ABRAXAS2: variants seen among roughly 807,000 people sequenced by gnomAD.
The protein encoded by ABRAXAS2 is abraxas 2, BRISC complex subunit, also known as BRISC complex subunit Abraxas 2.
Under a neutral mutation model 49.0 loss-of-function variants are expected in ABRAXAS2, and 23 were observed. That is an observed-to-expected ratio of 0.47 (90% confidence interval 0.34 to 0.66). The LOEUF is 0.66. ABRAXAS2 is among the 30% of genes least tolerant of loss of function. ABRAXAS2 has a pLI of 0.01. For synonymous variants in ABRAXAS2, 168 were observed against 180.2 expected (o/e 0.93, Z 0.54); for missense variants, 443 against 511.9 (o/e 0.87, Z 1.30).
At chr10:124,828,037 A>G (rs1950907617) in intron 5 of ABRAXAS2, among the ~76,000 whole-genome samples, 1 of 152,212 alleles carries the variant, frequency 6.6e-6, no homozygotes, top group Non-Finnish European at 1.5e-5. Context: ...GTTTTACTTT[A>G]CAGAAGGGAA....
At chr10:124,809,549 G>A (rs1950771697) in intron 2 of ABRAXAS2, among the ~76,000 whole-genome samples, 1 of 151,908 alleles carries the variant, frequency 6.6e-6, no homozygotes, top group African/African-American at 2.4e-5. Flanking sequence ...GCCTCCCAAA[G>A]TGCTGGGATT....
At chr10:124,831,284 G>T in intron 7 of ABRAXAS2, 65 bp from the exon 8 acceptor site, 1 of 962,270 alleles carries the variant, frequency 1.0e-6, no homozygotes, top group Non-Finnish European at 1.7e-6. Flanking sequence ...TGTAATCAGC[G>T]CTGAATTTAT....
intron 4 of ABRAXAS2, among the ~76,000 whole-genome samples, chr10:124,820,406 C>T (rs1950855079): frequency 6.6e-6 from 1 of 152,140 alleles, no homozygotes; most frequent in African/African-American, 2.4e-5. Flanking sequence ...AGCAGCCCGT[C>T]CCTCATCTCT....
chr10:124,811,110 C>T (rs1261629040), intron 2 of ABRAXAS2, among the ~76,000 whole-genome samples: 9 of 151,606 alleles, frequency 5.9e-5, no homozygotes, highest in Admixed American at 5.9e-4. Flanking sequence ...ATGCGGGAGG[C>T]TGAGGCAGGA....
At chr10:124,806,333 GA>G (rs1950743919) in intron 1 of ABRAXAS2, among the ~76,000 whole-genome samples, 1 of 151,294 alleles carries the variant, frequency 6.6e-6, no homozygotes, top group African/African-American at 2.4e-5. Flanking sequence ...AAAAAGACAA[GA>G]AAAAGGTTCA....
intron 8 of ABRAXAS2, 145 bp downstream of exon 8, chr10:124,831,608 A>T: frequency 2.0e-6 from 1 of 505,704 alleles, no homozygotes; most frequent in Admixed American, 3.9e-5. Context: ...TCTCTTGTTC[A>T]GCTTCTCTGG....
chr10:124,810,762 T>A (rs1178792919), intron 2 of ABRAXAS2, among the ~76,000 whole-genome samples: 2 of 151,486 alleles, frequency 1.3e-5, no homozygotes, highest in Non-Finnish European at 2.9e-5. Flanking sequence ...TTTGTATTTT[T>A]AGTAGAGATG....
At chr10:124,813,570 G>T (rs1438179650) in intron 2 of ABRAXAS2, among the ~76,000 whole-genome samples, 1 of 152,196 alleles carries the variant, frequency 6.6e-6, no homozygotes, top group Non-Finnish European at 1.5e-5. Flanking sequence ...TCCAGGTGAG[G>T]CTGCCCAGCC....
At chr10:124,808,964 C>G (rs867101098) in intron 2 of ABRAXAS2, among the ~76,000 whole-genome samples, 39 of 152,076 alleles carry the variant, frequency 2.6e-4, no homozygotes, top group Middle Eastern at 3.4e-3. Flanking sequence ...AACCCCGTCT[C>G]TACTAAAAAT....
rs1478806305 is a variant in ABRAXAS2 at position 124,826,869 on chromosome 10, T to C, written c.458+84T>C. ...TGGCTTACGCCTGTAATCCCAGCACTTTGGAAGGCTGAGGCGGATGGATCA... is the reference window on the plus strand; with the variant it reads ...TGGCTTACGCCTGTAATCCCAGCACCTTGGAAGGCTGAGGCGGATGGATCA... On this transcript the variant is annotated intron_variant, in intron 5 of 8. Coordinates refer to ENST00000298492, the MANE Select transcript of ABRAXAS2 (RefSeq NM_032182.4). 12 of 1,324,268 alleles carry C rather than the reference T, an allele frequency of 9.1e-6. No homozygotes were observed. The African/African-American group carries it at 1.8e-4, about 19-fold the overall frequency. The allele number at this position is 1,324,268 out of a possible 1,614,324, so 82.0% of individuals were successfully genotyped here. A position where few individuals can be genotyped will look rare whatever the true frequency, so the allele number is the denominator to read the frequency against.
rs543064229 is a variant in ABRAXAS2 at position 124,801,901 on chromosome 10, C to T, written c.72C>T (p.His24=). Residue 24 remains histidine (H), a splice_region_variant and synonymous_variant, in exon 1 of 9, where the codon CAC becomes CAT. Transcript: ENST00000298492. ...ACAGCGCCAACAGCAACGCGGACCA[C>T]GTAGGTGCCGGGCCCCCTGCCGCGC... ...CFHSANSNAD[H]EGFLLGEVRQ... The T allele has an allele frequency of 8.7e-6, 14 of 1,612,186 alleles. No homozygotes were observed. The East Asian group carries it at 1.8e-4, about 21-fold the overall frequency.
chr10:124,807,450 C>T (rs1351184368), intron 2 of ABRAXAS2, among the ~76,000 whole-genome samples: 2 of 150,380 alleles, frequency 1.3e-5, no homozygotes, highest in Admixed American at 6.7e-5. Context: ...GTCAGAAGTT[C>T]GAGACCAGCC....
chr10:124,824,743 G>A (rs928467644), intron 4 of ABRAXAS2, among the ~76,000 whole-genome samples: 1 of 152,190 alleles, frequency 6.6e-6, no homozygotes, highest in African/African-American at 2.4e-5. Context: ...CATGCCTGAG[G>A]TCTGCTGAGT....
In ABRAXAS2 at chr10:124,821,551, G is replaced by A. The variant is rs529908790; in HGVS notation, c.267+2101G>A. Among the ~76,000 whole-genome samples, 3 of 113,588 alleles carry A rather than the reference G, an allele frequency of 2.6e-5. No individual in the cohort carries two copies. The East Asian group carries it at 8.0e-4, about 30-fold the overall frequency. 74.5% of individuals were successfully genotyped at this position (113,588 alleles called of 152,430 possible). On this transcript the variant is annotated intron_variant, in intron 4 of 8. Coordinates refer to ENST00000298492, the MANE Select transcript of ABRAXAS2 (RefSeq NM_032182.4). ...ACTGCACACTCCCACCTGGGTGACA[G>A]AGCGAGACCCTGCCTTGGAAAAAAA...
intron 4 of ABRAXAS2, among the ~76,000 whole-genome samples, chr10:124,822,836 T>C (rs1218032351): frequency 2.6e-5 from 4 of 151,676 alleles, no homozygotes; most frequent in African/African-American, 9.7e-5. Context: ...TTTTCACTAG[T>C]AGGTAGGGAC....
At chr10:124,833,793 C>T (rs1291008962) in intron 8 of ABRAXAS2, among the ~76,000 whole-genome samples, 2 of 152,002 alleles carry the variant, frequency 1.3e-5, no homozygotes, top group Non-Finnish European at 2.9e-5. Context: ...TGAAATGTTA[C>T]CTACAAAAAC....
intron 4 of ABRAXAS2, among the ~76,000 whole-genome samples, chr10:124,823,971 A>T (rs1256190363): frequency 1.3e-5 from 2 of 152,192 alleles, no homozygotes; most frequent in Non-Finnish European, 2.9e-5. Flanking sequence ...CCACCCTGGT[A>T]CAATGGCATG....
At chr10:124,810,072 A>AT (rs1005709474) in intron 2 of ABRAXAS2, among the ~76,000 whole-genome samples, 2 of 151,904 alleles carry the variant, frequency 1.3e-5, no homozygotes, top group African/African-American at 4.8e-5. Context: ...TTTTTTTGAA[A>AT]TTTTTTTTAA....
At chr10:124,819,051 C>T (rs931155807) in intron 3 of ABRAXAS2, among the ~76,000 whole-genome samples, 2 of 152,126 alleles carry the variant, frequency 1.3e-5, no homozygotes, top group East Asian at 1.9e-4. Flanking sequence ...TGAGCTGCTA[C>T]GTTATCTTTT....
Sources: gnomAD v4.1 joint callset for allele counts (sites outside exome capture counted in the v4.1 genomes callset) on GRCh38, gnomAD v4.1.1 for gene constraint, MANE v1.5 for transcripts, NCBI Gene and HGNC (gene_info 2026-07-23, HGNC 2026-07-21) for gene names.